The following CCDC6 variants were observed in gnomAD, a reference collection of about 807,000 sequenced individuals.
The protein encoded by CCDC6 is coiled-coil domain-containing protein 6.
In CCDC6, 20 loss-of-function variants were observed where a neutral mutation model predicts 56.6. The observed-to-expected ratio is 0.35, with a 90% CI of 0.25 to 0.51. The LOEUF (loss-of-function observed/expected upper bound fraction) is 0.51, where lower values mean the gene tolerates loss of function less well. Ranked by LOEUF, CCDC6 falls within the 20% of genes least tolerant of loss-of-function variation. The probability of loss-of-function intolerance (pLI) is 0.95; values close to 1 mark genes in which losing one functional copy is unlikely to be tolerated. For synonymous variants in CCDC6, 241 were observed against 234.4 expected (o/e 1.03, Z -0.26); for missense variants, 367 against 601.1 (o/e 0.61, Z 4.07).
intron 1 of CCDC6, among the ~76,000 whole-genome samples, chr10:59,889,307 G>C (rs184525571): frequency 6.6e-6 from 1 of 152,204 alleles, no homozygotes; most frequent in African/African-American, 2.4e-5. Context: ...TGAGGCAGGA[G>C]GAAGATGGAT....
chr10:59,864,598 ATTG>A (rs1355764532), intron 1 of CCDC6, among the ~76,000 whole-genome samples: 1 of 152,168 alleles, frequency 6.6e-6, no homozygotes, highest in Non-Finnish European at 1.5e-5. Flanking sequence ...TCAGTTACCT[ATTG>A]TTATGTAACA....
intron 7 of CCDC6, among the ~76,000 whole-genome samples, chr10:59,802,291 A>G (rs2070583122): frequency 6.6e-6 from 1 of 152,232 alleles, no homozygotes; most frequent in African/African-American, 2.4e-5. Context: ...GTGAAAACAC[A>G]AGATTTCCAA....
chr10:59,832,701 C>A, intron 2 of CCDC6, 48 bp from the exon 3 acceptor site: 1 of 1,591,692 alleles, frequency 6.3e-7, no homozygotes, highest in Non-Finnish European at 8.5e-7. Flanking sequence ...AACTCAAATG[C>A]CATGGAAACA....
chr10:59,835,322 C>G (rs912801477), intron 2 of CCDC6, among the ~76,000 whole-genome samples: 1 of 152,192 alleles, frequency 6.6e-6, no homozygotes, highest in African/African-American at 2.4e-5. Context: ...AAAGGCAAGG[C>G]TCTCACTGGC....
At chr10:59,895,971 A>G (rs1242709884) in intron 1 of CCDC6, among the ~76,000 whole-genome samples, 1 of 152,186 alleles carries the variant, frequency 6.6e-6, no homozygotes, top group Non-Finnish European at 1.5e-5. Context: ...GGCTTGGCCA[A>G]ACTTCGCTGG....
chr10:59,817,701 C>G (rs999933769), intron 3 of CCDC6, among the ~76,000 whole-genome samples: 1 of 152,102 alleles, frequency 6.6e-6, no homozygotes, highest in African/African-American at 2.4e-5. Context: ...GAAGCAAAAT[C>G]AAGACAAAGC....
rs188427688 is a variant in CCDC6, at chr10:59,860,502, A to T, written c.304-7800T>A. ...ATGCTGAAGAAGGGGCCAGGGCTAG[A>T]TTATACTACAGCTCAGGCATTTGAG... On this transcript the variant is annotated intron_variant, in intron 1 of 8. Transcript: ENST00000263102. Among the ~76,000 whole-genome samples the T allele has an allele frequency of 8.6e-4, 131 of 152,308 alleles. 1 individual carries two copies. The Middle Eastern group carries it at 0.02, about 24-fold the overall frequency.
intron 1 of CCDC6, among the ~76,000 whole-genome samples, chr10:59,900,210 G>C (rs1171824): frequency 0.65 from 99,337 of 151,788 alleles, 32,833 homozygotes; most frequent in East Asian, 0.86. Flanking sequence ...GGGGTGGGGG[G>C]GGTGGTGTCT....
intron 1 of CCDC6, among the ~76,000 whole-genome samples, chr10:59,881,142 A>G (rs1271669676): frequency 6.6e-6 from 1 of 152,114 alleles, no homozygotes; most frequent in African/African-American, 2.4e-5. Flanking sequence ...CATAATAGCC[A>G]TCTTCAACCA....
rs559492977 is a variant in CCDC6 at position 59,865,115 on chromosome 10, C to G, written c.304-12413G>C. On this transcript the variant is annotated intron_variant, in intron 1 of 8. Coordinates refer to ENST00000263102, the MANE Select transcript of CCDC6 (RefSeq NM_005436.5). ...CCTCTAACCAGCTATTTACGAGAAA[C>G]CTATCAATGTCCCACCCTCTACATC... is the stretch of plus-strand genomic sequence containing the variant. 1.2e-4 allele frequency among the ~76,000 whole-genome samples: 19 copies of G among 152,284 alleles called. No individual in the cohort carries two copies. The South Asian group carries it at 3.7e-3, about 30-fold the overall frequency.
At chr10:59,884,160 A>T (rs2071366361) in intron 1 of CCDC6, among the ~76,000 whole-genome samples, 1 of 152,198 alleles carries the variant, frequency 6.6e-6, no homozygotes, top group Non-Finnish European at 1.5e-5. Context: ...TAATGTTAAG[A>T]AAGTTGACTA....
chr10:59,801,683 C>T lies in CCDC6; in HGVS notation c.1105+2737G>A, dbSNP rs72817912. The stretch of plus-strand genomic sequence containing the variant: ...CTCCGTGAGGATCTGTGTCTTCTCC[C>T]TTGTTTATTTATTTAGTCATTTATT... On this transcript the variant is annotated intron_variant, in intron 7 of 8. Transcript: ENST00000263102. 2.9e-3 allele frequency among the ~76,000 whole-genome samples: 437 copies of T among 152,160 alleles called. 3 individuals are homozygous for T. The highest frequency in any genetic ancestry group is 4.9e-3 in the Non-Finnish European group (331 of 67,992).
At chr10:59,866,831 CA>C (rs2071182083) in intron 1 of CCDC6, among the ~76,000 whole-genome samples, 1 of 152,164 alleles carries the variant, frequency 6.6e-6, no homozygotes, top group Non-Finnish European at 1.5e-5. Context: ...TAACTTCCCA[CA>C]AAAGTCAACA....
At chr10:59,803,906 G>C (rs2070597278) in intron 7 of CCDC6, among the ~76,000 whole-genome samples, 1 of 152,174 alleles carries the variant, frequency 6.6e-6, no homozygotes, top group Admixed American at 6.5e-5. Context: ...TCTTTAAACA[G>C]ATAGGCCCTG....
At chr10:59,891,607 T>C (rs1229136105) in intron 1 of CCDC6, among the ~76,000 whole-genome samples, 1 of 152,164 alleles carries the variant, frequency 6.6e-6, no homozygotes, top group East Asian at 1.9e-4. Context: ...TCATTAGCAC[T>C]AATCTTCCTT....
chr10:59,898,156 C>T (rs1016002925), intron 1 of CCDC6, among the ~76,000 whole-genome samples: 17 of 152,190 alleles, frequency 1.1e-4, no homozygotes, highest in African/African-American at 3.9e-4. Context: ...TTCCGTCCAT[C>T]CACCATTATT....
Position 59,789,085 on chromosome 10 carries a change from G to T in CCDC6, c.*3832C>A, listed in dbSNP as rs1293226812. 5.6e-4 allele frequency: 43 copies of T among 76,614 alleles called. No homozygotes were observed. The highest frequency in any genetic ancestry group is 1.3e-3 in the Admixed American group (3 of 2,390). The allele number at this position is 76,614 out of a possible 1,614,324, so 4.7% of individuals were successfully genotyped here. A position where few individuals can be genotyped will look rare whatever the true frequency, so the allele number is the denominator to read the frequency against. ...GGCTAAGTTCCAAATCAAGTCCAAA[G>T]AAGGCTCAGGGGTCAACCTGACCAG... On this transcript the variant is annotated 3_prime_UTR_variant, in exon 9 of 9. Transcript: ENST00000263102.
rs781290481 is a variant in CCDC6 at position 59,906,296 on chromosome 10, ACCGCCGCCGCCTCCC to A, written c.114_128del (p.Gly40_Gly44del). 3.8e-6 allele frequency: 6 copies of A among 1,599,444 alleles called. No individual in the cohort carries two copies. The highest frequency in any genetic ancestry group is 2.2e-5 in the South Asian group (2 of 90,670). ...AGATGACAATGCCCCCCGACTTCCC[ACCGCCGCCGCCTCCC>A]CCGCCGCCACCGCCGCCGCCCGAGG... On this transcript the variant is annotated inframe_deletion, in exon 1 of 9. Coordinates refer to ENST00000263102, the MANE Select transcript of CCDC6 (RefSeq NM_005436.5).
chr10:59,888,751 G>A (rs1250726026), intron 1 of CCDC6, among the ~76,000 whole-genome samples: 1 of 152,198 alleles, frequency 6.6e-6, no homozygotes, highest in South Asian at 2.1e-4. Context: ...ACCATTTATG[G>A]TGAAAGCATT....
Sources: allele counts gnomAD v4.1 joint callset (sites outside exome capture counted in the v4.1 genomes callset), GRCh38; gene constraint gnomAD v4.1.1; transcripts MANE v1.5; gene names NCBI Gene and HGNC (gene_info 2026-07-23, HGNC 2026-07-21).